Variants in SLCO3A1 observed in about 807,000 individuals in gnomAD.
SLCO3A1 encodes PGE1 transporter.
SLCO3A1 carries 27 observed loss-of-function variants against 63.1 expected under a neutral mutation model. The observed-to-expected ratio is 0.43, with a 90% CI of 0.32 to 0.59. The LOEUF is 0.59. SLCO3A1 is among the 20% of genes least tolerant of loss of function. SLCO3A1 has a pLI of 0.09. For synonymous variants in SLCO3A1, 473 were observed against 409.9 expected (o/e 1.15, Z -1.86); for missense variants, 773 against 945.8 (o/e 0.82, Z 2.40).
intron 2 of SLCO3A1, among the ~76,000 whole-genome samples, chr15:92,090,279 G>A (rs1039436893): frequency 6.6e-6 from 1 of 152,202 alleles, no homozygotes; most frequent in African/African-American, 2.4e-5. Context: ...AGATTCACAT[G>A]TCCAAGAGAT....
At chr15:91,923,079 C>T (rs1476482338) in intron 2 of SLCO3A1, among the ~76,000 whole-genome samples, 1 of 152,178 alleles carries the variant, frequency 6.6e-6, no homozygotes, top group Non-Finnish European at 1.5e-5. Context: ...AATCCTGGCC[C>T]CTCCACGACT....
In SLCO3A1 at chr15:92,164,539, T is replaced by G. The variant is rs2048476959; in HGVS notation, c.*1404T>G. 2 of 985,410 alleles carry G rather than the reference T, an allele frequency of 2.0e-6. No individual in the cohort carries two copies. Among genetic ancestry groups the G allele is most frequent in the Non-Finnish European group, 2.4e-6 (2 of 829,938 alleles). The allele number at this position is 985,410 out of a possible 1,614,324, so 61.0% of individuals were successfully genotyped here. A position where few individuals can be genotyped will look rare whatever the true frequency, so the allele number is the denominator to read the frequency against. On this transcript the variant is annotated 3_prime_UTR_variant, in exon 10 of 10. Coordinates refer to ENST00000318445, the MANE Select transcript of SLCO3A1 (RefSeq NM_013272.4). ...AGACACTCTTAGATGTGGGTTTGTG[T>G]GTATGGGTGCAACACTTCCGGGGAT...
At chr15:92,054,980 C>G (rs905432255) in intron 2 of SLCO3A1, among the ~76,000 whole-genome samples, 1 of 152,096 alleles carries the variant, frequency 6.6e-6, no homozygotes, top group Non-Finnish European at 1.5e-5. Flanking sequence ...AATGGAATTG[C>G]TGGGTCAAAT....
chr15:91,960,098 C>T (rs1900386106), intron 2 of SLCO3A1, among the ~76,000 whole-genome samples: 1 of 152,142 alleles, frequency 6.6e-6, no homozygotes, highest in Non-Finnish European at 1.5e-5. Context: ...ATTCTCCTGC[C>T]TTAGCCTCCC....
chr15:91,895,783 C>T (rs1444467544), intron 1 of SLCO3A1, among the ~76,000 whole-genome samples: 1 of 152,196 alleles, frequency 6.6e-6, no homozygotes, highest in Non-Finnish European at 1.5e-5. Flanking sequence ...TTGCCAAGTG[C>T]CATGGCATTT....
Position 91,941,185 on chromosome 15 carries a change from G to T in SLCO3A1, c.646+24727G>T. 1 of 165,694 alleles carries T rather than the reference G, an allele frequency of 6.0e-6. No homozygotes were observed. 10.3% of individuals were successfully genotyped at this position (165,694 alleles called of 1,614,324 possible). A position where few individuals can be genotyped will look rare whatever the true frequency, so the allele number is the denominator to read the frequency against. On this transcript the variant is annotated intron_variant, in intron 2 of 9. Transcript: ENST00000318445. This position sits in a 1 kb window ranked among gnomAD's most constrained non-coding sequence, Gnocchi z 4.4. Reference sequence around the variant, plus strand: ...CCTGGTTGTGGGCAGCACTGCTCCAGGGCAGGTGGAAAGTAGGCTTGTTTC... The same window carrying T: ...CCTGGTTGTGGGCAGCACTGCTCCATGGCAGGTGGAAAGTAGGCTTGTTTC...
intron 2 of SLCO3A1, among the ~76,000 whole-genome samples, chr15:91,990,496 T>A (rs2046112554): frequency 6.6e-6 from 1 of 152,180 alleles, no homozygotes; most frequent in Admixed American, 6.5e-5. Context: ...TCTCTTCCTC[T>A]TGCCTCTGGG....
chr15:91,987,341 C>T (rs1336602691), intron 2 of SLCO3A1, among the ~76,000 whole-genome samples: 1 of 152,114 alleles, frequency 6.6e-6, no homozygotes, highest in Non-Finnish European at 1.5e-5. Flanking sequence ...GAACACCTAT[C>T]ATGTGTCAGG....
At chr15:91,965,095 A>T (rs534821424) in intron 2 of SLCO3A1, among the ~76,000 whole-genome samples, 3 of 151,940 alleles carry the variant, frequency 2.0e-5, no homozygotes. Flanking sequence ...CTGTGGGGAT[A>T]CTCAGTGGAT....
intron 2 of SLCO3A1, among the ~76,000 whole-genome samples, chr15:92,012,046 G>A (rs2046374589): frequency 6.6e-6 from 1 of 152,228 alleles, no homozygotes; most frequent in South Asian, 2.1e-4. Context: ...AAGGAGGGTG[G>A]TGCAAAGACA....
chr15:92,119,571 G>A (rs1352709348), intron 4 of SLCO3A1, among the ~76,000 whole-genome samples: 1 of 152,150 alleles, frequency 6.6e-6, no homozygotes. Context: ...TCTTGTATAG[G>A]GAAGACCCCC....
intron 2 of SLCO3A1, among the ~76,000 whole-genome samples, chr15:91,971,917 C>T (rs944681242): frequency 1.3e-5 from 2 of 152,198 alleles, no homozygotes; most frequent in Admixed American, 6.5e-5. Context: ...TGCTTGGGAC[C>T]AGAAGTGTTT....
chr15:91,907,072 A>G (rs768529182), intron 1 of SLCO3A1, among the ~76,000 whole-genome samples: 5 of 152,162 alleles, frequency 3.3e-5, no homozygotes, highest in Non-Finnish European at 7.4e-5. Context: ...AGTGGAAGAA[A>G]AGGGAGATGA....
chr15:92,108,552 T>C (rs1390629166), intron 4 of SLCO3A1, among the ~76,000 whole-genome samples: 1 of 152,222 alleles, frequency 6.6e-6, no homozygotes, highest in African/African-American at 2.4e-5. Context: ...TAGACATACG[T>C]ACAGTATCAT....
At chr15:92,006,623 T>A (rs946906461) in intron 2 of SLCO3A1, among the ~76,000 whole-genome samples, 5 of 152,158 alleles carry the variant, frequency 3.3e-5, no homozygotes, top group African/African-American at 1.2e-4. Flanking sequence ...GAGTAAAAAA[T>A]TCCAGCAGGA....
chr15:92,162,634 C>A lies in SLCO3A1; in HGVS notation c.1754-122C>A, dbSNP rs986278970. On this transcript the variant is annotated intron_variant, in intron 9 of 9. Transcript: ENST00000318445. ...CATGCGCTTTGCCTCCTGAGCATGT[C>A]TTTGAGCCACGGAGTCAGACATATT... The A allele has an allele frequency of 1.4e-5, 20 of 1,472,370 alleles. No homozygotes were observed. The Middle Eastern group carries it at 7.6e-4, about 56-fold the overall frequency. The allele number at this position is 1,472,370 out of a possible 1,614,324, so 91.2% of individuals were successfully genotyped here. A position where few individuals can be genotyped will look rare whatever the true frequency, so the allele number is the denominator to read the frequency against.
chr15:92,073,922 A>T (rs572469913), intron 2 of SLCO3A1, among the ~76,000 whole-genome samples: 2 of 152,296 alleles, frequency 1.3e-5, no homozygotes, highest in South Asian at 4.1e-4. Flanking sequence ...TAATCCCAGC[A>T]CTTTGGGAGG....
intron 2 of SLCO3A1, among the ~76,000 whole-genome samples, chr15:91,925,174 A>G (rs1898970598): frequency 6.6e-6 from 1 of 152,258 alleles, no homozygotes; most frequent in South Asian, 2.1e-4. Context: ...TCCTCTAATA[A>G]CATGCGTATT....
intron 2 of SLCO3A1, among the ~76,000 whole-genome samples, chr15:92,011,062 G>C (rs919412190): frequency 6.6e-6 from 1 of 152,188 alleles, no homozygotes; most frequent in African/African-American, 2.4e-5. Flanking sequence ...CCTCACAATA[G>C]CCTTCAAGGC....
Sources: gnomAD v4.1 joint callset for allele counts (sites outside exome capture counted in the v4.1 genomes callset) on GRCh38, gnomAD v4.1.1 for gene constraint, Gnocchi (gnomAD v3.1) non-coding constraint, MANE v1.5 for transcripts, NCBI Gene and HGNC (gene_info 2026-07-23, HGNC 2026-07-21) for gene names.